The following SYT1 variants were observed in gnomAD, a reference collection of about 807,000 sequenced individuals.
SYT1 encodes synaptotagmin 1.
Under a neutral mutation model 44.8 loss-of-function variants are expected in SYT1, and 8 were observed. That is an observed-to-expected ratio of 0.18 (90% CI 0.10 to 0.32). SYT1 has a LOEUF of 0.32. Among genes scored for constraint, SYT1 ranks in the 10% least tolerant of loss-of-function variants. The pLI is 1.00. For missense variants in SYT1, 286 were observed against 509.3 expected (o/e 0.56, Z 4.22); for synonymous variants, 154 against 188.8 (o/e 0.82, Z 1.51).
At chr12:79,386,885 C>G (rs145314920) in intron 9 of SYT1, among the ~76,000 whole-genome samples, 1 of 152,216 alleles carries the variant, frequency 6.6e-6, no homozygotes, top group East Asian at 1.9e-4. Flanking sequence ...TGTGCACTCT[C>G]CTTATCTTTC....
chr12:79,229,936 C>T (rs984447792), intron 4 of SYT1, among the ~76,000 whole-genome samples: 5 of 152,056 alleles, frequency 3.3e-5, no homozygotes, highest in African/African-American at 1.2e-4. Flanking sequence ...TCCTACAACA[C>T]AGTGTAAATA....
rs141324472 is a variant in SYT1, at chr12:79,239,901, C to T, written c.166+22216C>T. 3.7e-3 allele frequency among the ~76,000 whole-genome samples: 565 copies of T among 152,324 alleles called. 1 individual carries two copies. The highest frequency in any genetic ancestry group is 0.013 in the African/African-American group (535 of 41,576). On this transcript the variant is annotated intron_variant, in intron 4 of 10. Coordinates refer to ENST00000261205, the MANE Select transcript of SYT1 (RefSeq NM_005639.3). Reference sequence around the variant, plus strand: ...GCAGTTTACAACATGACTGCTTCTTCAAGGCCAGTGGAACATCTCTCTCAC... The same window carrying T: ...GCAGTTTACAACATGACTGCTTCTTTAAGGCCAGTGGAACATCTCTCTCAC...
At chr12:79,355,681 T>C (rs947782035) in intron 9 of SYT1, among the ~76,000 whole-genome samples, 2 of 152,192 alleles carry the variant, frequency 1.3e-5, no homozygotes, top group Non-Finnish European at 2.9e-5. Flanking sequence ...TATACAACTT[T>C]CTGCCTCTAT....
chr12:78,890,241 A>G (rs1020097010), intron 1 of SYT1, among the ~76,000 whole-genome samples: 4 of 151,960 alleles, frequency 2.6e-5, no homozygotes, highest in African/African-American at 9.7e-5. Flanking sequence ...ACTTTTATAA[A>G]TTGATAGTGT....
chr12:79,202,218 A>G (rs1456880263), intron 3 of SYT1, among the ~76,000 whole-genome samples: 1 of 152,208 alleles, frequency 6.6e-6, no homozygotes, highest in East Asian at 1.9e-4. Context: ...TCAGATGGCA[A>G]TGGCATTAAG....
intron 3 of SYT1, among the ~76,000 whole-genome samples, chr12:79,124,579 T>TATCATC (rs374558194): frequency 7.9e-5 from 12 of 151,026 alleles, no homozygotes; most frequent in African/African-American, 1.2e-4. Flanking sequence ...CCATCACCAT[T>TATCATC]ATCATCATCA....
chr12:78,894,330 G>GTTTTTTTTTTTTTTTTTTTTTTTTT lies in SYT1; in HGVS notation c.-217+29232_-217+29256dup, dbSNP rs566175647. Among the ~76,000 whole-genome samples the GTTTTTTTTTTTTTTTTTTTTTTTTT allele has an allele frequency of 5.4e-4, 15 of 27,710 alleles. 5 individuals are homozygous for GTTTTTTTTTTTTTTTTTTTTTTTTT. Among genetic ancestry groups the GTTTTTTTTTTTTTTTTTTTTTTTTT allele is most frequent in the Non-Finnish European group, 6.6e-4 (10 of 15,136 alleles). 18.2% of individuals were successfully genotyped at this position (27,710 alleles called of 152,430 possible). On this transcript the variant is annotated intron_variant, in intron 1 of 10. Transcript: ENST00000261205. ...AATTTATGATTGTGTTTTTTAATCT[G>GTTTTTTTTTTTTTTTTTTTTTTTTT]TTTTTTTTTTTTTTTTTTTTTTTTT...
At chr12:79,389,539 A>G (rs1884570774) in intron 9 of SYT1, among the ~76,000 whole-genome samples, 4 of 152,192 alleles carry the variant, frequency 2.6e-5, no homozygotes, top group Admixed American at 2.6e-4. Context: ...AATTAATATT[A>G]TTTTACAGAG....
At chr12:79,059,312 AT>A (rs1174288130) in intron 3 of SYT1, among the ~76,000 whole-genome samples, 1 of 152,130 alleles carries the variant, frequency 6.6e-6, no homozygotes, top group Non-Finnish European at 1.5e-5. Flanking sequence ...CCATATCAAG[AT>A]GTAATAAGCT....
intron 4 of SYT1, among the ~76,000 whole-genome samples, chr12:79,231,972 T>TCC (rs1468852399): frequency 1.3e-5 from 2 of 152,120 alleles, no homozygotes; most frequent in African/African-American, 4.8e-5. Context: ...TGAAATGAGG[T>TCC]CATTTGTAGT....
At chr12:79,341,874 T>G (rs1882391263) in intron 8 of SYT1, among the ~76,000 whole-genome samples, 1 of 151,922 alleles carries the variant, frequency 6.6e-6, no homozygotes, top group African/African-American at 2.4e-5. Context: ...TTCACCGTGT[T>G]AGCCAGGATG....
intron 1 of SYT1, among the ~76,000 whole-genome samples, chr12:78,923,271 C>T (rs1235618056): frequency 1.3e-5 from 2 of 151,944 alleles, no homozygotes; most frequent in Admixed American, 6.6e-5. Context: ...TAAATAAGCA[C>T]ACATGGCTGT....
chr12:79,222,631 C>T (rs998802960), intron 4 of SYT1, among the ~76,000 whole-genome samples: 1 of 152,166 alleles, frequency 6.6e-6, no homozygotes, highest in East Asian at 1.9e-4. Flanking sequence ...GATCCACCCA[C>T]CTTGGCATCC....
intron 1 of SYT1, among the ~76,000 whole-genome samples, chr12:78,872,466 T>C (rs1873871709): frequency 6.6e-6 from 1 of 151,754 alleles, no homozygotes; most frequent in Admixed American, 6.6e-5. Context: ...CCTGTATGCA[T>C]CGAAGCATAT....
chr12:79,215,468 C>G (rs1168332429), intron 3 of SYT1, among the ~76,000 whole-genome samples: 1 of 152,128 alleles, frequency 6.6e-6, no homozygotes, highest in Non-Finnish European at 1.5e-5. Context: ...AAGATCTGAG[C>G]CGATATCTGT....
At chr12:79,011,375 T>C (rs145968427) in intron 2 of SYT1, among the ~76,000 whole-genome samples, 2 of 152,172 alleles carry the variant, frequency 1.3e-5, no homozygotes, top group East Asian at 1.9e-4. Context: ...AGTGACCAGA[T>C]TGGGAAATTA....
chr12:79,443,662 G>A (rs1435763685), intron 9 of SYT1, among the ~76,000 whole-genome samples: 2 of 152,138 alleles, frequency 1.3e-5, no homozygotes, highest in Non-Finnish European at 1.5e-5. Context: ...ACAGTGTTGT[G>A]CTGCAGGCAA....
intron 9 of SYT1, among the ~76,000 whole-genome samples, chr12:79,370,270 G>A (rs1202661296): frequency 1.3e-5 from 2 of 152,106 alleles, no homozygotes; most frequent in Non-Finnish European, 2.9e-5. Flanking sequence ...AACAGTTCAG[G>A]CAATTGGAGA....
chr12:79,430,510 G>A (rs984866507), intron 9 of SYT1, among the ~76,000 whole-genome samples: 11 of 152,204 alleles, frequency 7.2e-5, no homozygotes, highest in Non-Finnish European at 1.0e-4. Flanking sequence ...GGAAAGCCGG[G>A]CATGGTGGCT....
Sources: allele counts gnomAD v4.1 joint callset (sites outside exome capture counted in the v4.1 genomes callset), GRCh38; gene constraint gnomAD v4.1.1; transcripts MANE v1.5; gene names NCBI Gene and HGNC (gene_info 2026-07-23, HGNC 2026-07-21).